PRR5: variants seen among roughly 807,000 people sequenced by gnomAD.
The protein encoded by PRR5 is proline rich 5.
In PRR5, 25 loss-of-function variants were observed where a neutral mutation model predicts 30.6. The ratio of observed to expected loss-of-function variants is 0.82; its 90% CI spans 0.60 to 1.14. The LOEUF (loss-of-function observed/expected upper bound fraction) is 1.14, where lower values mean the gene tolerates loss of function less well. Ranked by LOEUF, PRR5 falls within the 50% of genes most tolerant of loss-of-function variation. The pLI, the probability that PRR5 is intolerant of heterozygous loss-of-function variation, is 0.00. For missense variants in PRR5, 600 were observed against 547.1 expected (o/e 1.10, Z -0.96); for synonymous variants, 286 against 247.1 (o/e 1.16, Z -1.48).
At chr22:44,736,690 C>T (rs1472343408) in intron 7 of PRR5, 82 bp from the exon 8 acceptor site, 1 of 1,492,792 alleles carries the variant, frequency 6.7e-7, no homozygotes, top group Non-Finnish European at 8.9e-7. Flanking sequence ...CACAGGGACC[C>T]AGTGTGCAGT....
At chr22:44,679,550 CA>C in intron 1 of PRR5, 8 of 330,186 alleles carry the variant, frequency 2.4e-5, no homozygotes, top group East Asian at 5.9e-5. Context: ...ACTAAAAATA[CA>C]AAAAAATTAG....
In PRR5 at chr22:44,714,584, C is replaced by T. The variant is rs73891757; in HGVS notation, c.135-7C>T. 13 of 1,612,512 alleles carry T rather than the reference C, an allele frequency of 8.1e-6. No homozygotes were observed. The highest frequency in any genetic ancestry group is 2.7e-5 in the African/African-American group (2 of 75,028). On this transcript the variant is annotated splice_region_variant and splice_polypyrimidine_tract_variant and intron_variant, in intron 1 of 7. Coordinates refer to ENST00000336985, the MANE Select transcript of PRR5 (RefSeq NM_181333.4). ...GGACTGCAGTGTTTTCTTCCCTCTGCCCCCAGCATCCACAACGGGGTGATC... is the reference window on the plus strand; with the variant it reads ...GGACTGCAGTGTTTTCTTCCCTCTGTCCCCAGCATCCACAACGGGGTGATC...
chr22:44,733,011 ACG>A (rs1922499010), intron 6 of PRR5, among the ~76,000 whole-genome samples: 1 of 98,964 alleles, frequency 1.0e-5, no homozygotes, highest in Non-Finnish European at 2.8e-5. Flanking sequence ...CATACTACAC[ACG>A]TGCACATGCA....
intron 2 of PRR5, among the ~76,000 whole-genome samples, chr22:44,720,118 T>G (rs1020200940): frequency 6.6e-6 from 1 of 152,216 alleles, no homozygotes; most frequent in African/African-American, 2.4e-5. Flanking sequence ...TGCCTGGGGC[T>G]GGCTTGGGGT....
intron 1 of PRR5, among the ~76,000 whole-genome samples, chr22:44,688,463 G>C (rs1214789481): frequency 6.6e-6 from 1 of 152,126 alleles, no homozygotes; most frequent in Non-Finnish European, 1.5e-5. Flanking sequence ...TTAAGAACAC[G>C]GACGCTATGA....
chr22:44,671,365 CTCTT>C (rs1461413606), intron 1 of PRR5, among the ~76,000 whole-genome samples: 1 of 152,124 alleles, frequency 6.6e-6, no homozygotes, highest in Admixed American at 6.6e-5. Context: ...AACCACATCT[CTCTT>C]TTTTCTTATG....
In PRR5 at chr22:44,737,055, G is replaced by A. The variant is rs558295511; in HGVS notation, c.975G>A (p.Thr325=). 1.0e-5 allele frequency: 16 copies of A among 1,607,970 alleles called. No individual in the cohort carries two copies. The highest frequency in any genetic ancestry group is 4.5e-5 in the East Asian group (2 of 44,738). ...CCTGCCCCAGCAGACTGTACCCCAC[G>A]ACCCAGCCCCCTGAGCAGGGCTTGG... ...SGPCPSRLYP[T]TQPPEQGLDP... The change falls in exon 8 of 8, where the codon ACG becomes ACA. Residue 325 remains threonine, a synonymous_variant. Coordinates refer to ENST00000336985, the MANE Select transcript of PRR5 (RefSeq NM_181333.4).
chr22:44,701,891 A>T (rs116397930), upstream of PRR5, among the ~76,000 whole-genome samples: 14,020 of 149,228 alleles, frequency 0.094, 997 homozygotes, highest in African/African-American at 0.21. Context: ...CCGGGGTCGA[A>T]GGACATCGTG....
Position 44,702,435 on chromosome 22 carries a change from TGGGGCGCGCGTGGGCGCGGCGC to T in PRR5, c.-39_-18del, listed in dbSNP as rs1433142137. On this transcript the variant is annotated 5_prime_UTR_variant, in exon 1 of 8. Transcript: ENST00000336985. ...GTGCGGCGTGGCGCAGGGCGCGGCG[TGGGGCGCGCGTGGGCGCGGCGC>T]AGGCGGCCCGGGTCACCATGAGGAC... is the stretch of plus-strand genomic sequence containing the variant. 17 of 1,283,578 alleles carry T rather than the reference TGGGGCGCGCGTGGGCGCGGCGC, an allele frequency of 1.3e-5. No individual in the cohort carries two copies. Among genetic ancestry groups the T allele is most frequent in the South Asian group, 2.6e-5 (1 of 37,844 alleles). 79.5% of individuals were successfully genotyped at this position (1,283,578 alleles called of 1,614,324 possible). A position where few individuals can be genotyped will look rare whatever the true frequency, so the allele number is the denominator to read the frequency against.
At chr22:44,729,543 G>C (rs1921530639) in intron 4 of PRR5, 1 of 985,510 alleles carries the variant, frequency 1.0e-6, no homozygotes, top group Non-Finnish European at 1.2e-6. Context: ...CTCAGCTTTC[G>C]ACCTGCCCAC....
intron 1 of PRR5, among the ~76,000 whole-genome samples, chr22:44,684,849 G>A (rs1230198531): frequency 6.6e-6 from 1 of 152,228 alleles, no homozygotes; most frequent in Non-Finnish European, 1.5e-5. Flanking sequence ...AGGCCCTGGT[G>A]AAATGTCATC....
intron 2 of PRR5, among the ~76,000 whole-genome samples, chr22:44,722,718 A>T (rs1260031348): frequency 6.6e-6 from 1 of 152,200 alleles, no homozygotes; most frequent in African/African-American, 2.4e-5. Context: ...CCCCAGATCC[A>T]TGGTTAAGAG....
upstream of PRR5, among the ~76,000 whole-genome samples, chr22:44,675,503 T>C (rs1325450113): frequency 6.6e-6 from 1 of 152,174 alleles, no homozygotes. Flanking sequence ...ACAGTATCTG[T>C]CCCATGGCTG....
chr22:44,672,632 G>T (rs1432991066), upstream of PRR5, among the ~76,000 whole-genome samples: 1 of 152,160 alleles, frequency 6.6e-6, no homozygotes, highest in East Asian at 1.9e-4. Context: ...ACATGTATTT[G>T]TCTCGGCACA....
chr22:44,737,039 G>A lies in PRR5; in HGVS notation c.959G>A (p.Ser320Asn), dbSNP rs770807880. The A allele has an allele frequency of 2.5e-6, 4 of 1,604,004 alleles. No homozygotes were observed. Among genetic ancestry groups the A allele is most frequent in the African/African-American group, 1.3e-5 (1 of 74,796 alleles). Residue 320 changes from serine (S) to asparagine (N), a missense_variant, in exon 8 of 8, where the codon AGC (serine) becomes AAC (asparagine). Ser to Asn is a conservative substitution (Grantham distance 46). Coordinates refer to ENST00000336985, the MANE Select transcript of PRR5 (RefSeq NM_181333.4). ...SPAPHSGPCP[S>N]RLYPTTQPPE... ...GCGCCCCACTCAGGGCCCTGCCCCA[G>A]CAGACTGTACCCCACGACCCAGCCC...
upstream of PRR5, among the ~76,000 whole-genome samples, chr22:44,674,952 AAAAAG>A (rs1923641117): frequency 2.1e-5 from 3 of 143,610 alleles, no homozygotes; most frequent in African/African-American, 7.8e-5. Flanking sequence ...TCTCAAAAAA[AAAAAG>A]AAAGAAAGAG....
chr22:44,684,796 G>T (rs1364831789), intron 1 of PRR5, among the ~76,000 whole-genome samples: 1 of 152,250 alleles, frequency 6.6e-6, no homozygotes, highest in Non-Finnish European at 1.5e-5. Context: ...CTGTCGCTCT[G>T]GTCTGTGCTC....
In PRR5 at chr22:44,737,364, C is replaced by T; in HGVS notation, c.*117C>T. 3 of 1,434,974 alleles carry T rather than the reference C, an allele frequency of 2.1e-6. No homozygotes were observed. The highest frequency in any genetic ancestry group is 2.5e-5 in the East Asian group (1 of 40,278). The allele number at this position is 1,434,974 out of a possible 1,614,324, so 88.9% of individuals were successfully genotyped here. A position where few individuals can be genotyped will look rare whatever the true frequency, so the allele number is the denominator to read the frequency against. The stretch of plus-strand genomic sequence containing the variant: ...GTCCCGTCCCGCCAGCCCTATCGGC[C>T]TCGTCACTGGCCTTGGTCACTTTGT... On this transcript the variant is annotated 3_prime_UTR_variant, in exon 8 of 8. Transcript: ENST00000336985.
At chr22:44,701,352 TGCACAATGTTG>T (rs1483170006), upstream of PRR5, among the ~76,000 whole-genome samples, 3 of 152,246 alleles carry the variant, frequency 2.0e-5, no homozygotes, top group African/African-American at 4.8e-5. Flanking sequence ...ATTTGTTGAT[TGCACAATGTTG>T]GCACAATGTT....
Sources: gnomAD v4.1 joint callset for allele counts (sites outside exome capture counted in the v4.1 genomes callset) on GRCh38, gnomAD v4.1.1 for gene constraint, MANE v1.5 for transcripts, NCBI Gene and HGNC (gene_info 2026-07-23, HGNC 2026-07-21) for gene names.